NBEA: variants seen among roughly 807,000 people sequenced by gnomAD.
NBEA encodes the protein neurobeachin, also known as lysosomal-trafficking regulator 2.
A neutral mutation model predicts 343.4 loss-of-function variants in NBEA; 44 were observed. The observed-to-expected ratio is 0.13, with a 90% CI of 0.10 to 0.16. The LOEUF is 0.16. Ranked by LOEUF, NBEA falls within the 10% of genes least tolerant of loss-of-function variation. NBEA has a pLI of 1.00. For missense variants in NBEA, 2,555 were observed against 3,631.3 expected, an observed-to-expected ratio of 0.70 and a Z score of 7.62; for synonymous variants, 1,175 against 1,238.7, an observed-to-expected ratio of 0.95 and a Z score of 1.08.
chr13:35,255,238 A>C (rs868840053), intron 34 of NBEA, among the ~76,000 whole-genome samples: 1 of 152,206 alleles, frequency 6.6e-6, no homozygotes, highest in African/African-American at 2.4e-5. Context: ...GCGAAGCATC[A>C]CTTTCATTCT....
At chr13:35,489,077 C>A (rs2076407856) in intron 41 of NBEA, among the ~76,000 whole-genome samples, 1 of 150,818 alleles carries the variant, frequency 6.6e-6, no homozygotes, top group African/African-American at 2.4e-5. Context: ...TTTTTATTTG[C>A]CAAGTTTTTT....
intron 1 of NBEA, among the ~76,000 whole-genome samples, chr13:35,033,940 C>A (rs2062339600): frequency 6.6e-6 from 1 of 151,614 alleles, no homozygotes; most frequent in Non-Finnish European, 1.5e-5. Flanking sequence ...AAGATTCTAT[C>A]ATCCGCAAAC....
chr13:35,367,254 A>C (rs1056094296), intron 38 of NBEA, among the ~76,000 whole-genome samples: 4 of 151,360 alleles, frequency 2.6e-5, no homozygotes, highest in Non-Finnish European at 5.9e-5. Flanking sequence ...GAAGCCTGTC[A>C]GTAAAGAAAA....
intron 38 of NBEA, among the ~76,000 whole-genome samples, chr13:35,428,634 T>A (rs2044874851): frequency 6.6e-6 from 1 of 152,190 alleles, no homozygotes; most frequent in South Asian, 2.1e-4. Context: ...TTTTCATTCA[T>A]TTCAAGCATT....
At chr13:35,370,837 T>A (rs1035897430) in intron 38 of NBEA, among the ~76,000 whole-genome samples, 2 of 152,078 alleles carry the variant, frequency 1.3e-5, no homozygotes, top group Admixed American at 6.6e-5. Flanking sequence ...AGCTTTTGCT[T>A]GTCTGGGAAA....
At chr13:35,433,068 G>A (rs1264420276) in intron 39 of NBEA, among the ~76,000 whole-genome samples, 3 of 151,910 alleles carry the variant, frequency 2.0e-5, no homozygotes, top group Admixed American at 6.6e-5. Context: ...CCTACTTACA[G>A]TATCATTAAT....
At chr13:35,375,574 C>T (rs1193550623) in intron 38 of NBEA, among the ~76,000 whole-genome samples, 2 of 151,954 alleles carry the variant, frequency 1.3e-5, no homozygotes, top group Admixed American at 6.6e-5. Context: ...TCTTTACTTC[C>T]ACTACATAAA....
intron 30 of NBEA, among the ~76,000 whole-genome samples, chr13:35,188,205 ATGAT>A (rs1308685683): frequency 6.6e-6 from 1 of 151,656 alleles, no homozygotes; most frequent in Non-Finnish European, 1.5e-5. Flanking sequence ...GCATTAGGGA[ATGAT>A]TAAGTCAAGC....
intron 41 of NBEA, among the ~76,000 whole-genome samples, chr13:35,510,976 A>G (rs925296561): frequency 7.9e-5 from 12 of 152,204 alleles, no homozygotes; most frequent in Admixed American, 3.3e-4. Context: ...ATGACTTCTT[A>G]ATGGATTTTC....
Position 35,349,121 on chromosome 13 carries a change from G to T in NBEA, c.5917G>T (p.Ala1973Ser). 6.3e-7 allele frequency: 1 copy of T among 1,576,346 alleles called. No homozygotes were observed. The highest frequency in any genetic ancestry group is 8.6e-7 in the Non-Finnish European group (1 of 1,158,174). Reference protein sequence around the residue: ...LINEGRLLCHAMKDHIVRVAN... With the variant: ...LINEGRLLCHSMKDHIVRVAN... The stretch of plus-strand genomic sequence containing the variant: ...TTTTCTTTTTAGATTACTGTGCCAT[G>T]CTATGAAGGACCATATAGTCCGTGT... The change falls in exon 37 of 59, where the codon GCT (alanine) becomes TCT (serine). Residue 1973 changes from alanine to serine, a missense_variant. By Grantham distance (99) the Ala-to-Ser change is moderately conservative. Around this residue, in one of 21 missense-constraint regions of NBEA, gnomAD observed 84 missense variants for 196.4 expected, o/e 0.43. Coordinates refer to ENST00000379939, the MANE Select transcript of NBEA (RefSeq NM_001385012.1).
chr13:35,450,360 A>C (rs566058415), intron 39 of NBEA, among the ~76,000 whole-genome samples: 3 of 152,158 alleles, frequency 2.0e-5, no homozygotes, highest in African/African-American at 7.2e-5. Flanking sequence ...TGTGGTATAC[A>C]TCTGTGGTCC....
chr13:35,196,516 A>C (rs2072612536), intron 31 of NBEA, among the ~76,000 whole-genome samples: 1 of 152,114 alleles, frequency 6.6e-6, no homozygotes, highest in South Asian at 2.1e-4. Context: ...TGGATAGCAC[A>C]TTGAATTGGA....
At chr13:35,088,663 T>A (rs1248078513) in intron 10 of NBEA, among the ~76,000 whole-genome samples, 2 of 151,866 alleles carry the variant, frequency 1.3e-5, no homozygotes, top group East Asian at 3.9e-4. Flanking sequence ...CAAACTTTTT[T>A]TAAAAAAAAT....
intron 44 of NBEA, 66 bp downstream of exon 44, chr13:35,555,168 T>C (rs866311633): frequency 3.6e-6 from 3 of 842,358 alleles, no homozygotes; most frequent in Middle Eastern, 2.7e-4. Flanking sequence ...TAATGTAGCC[T>C]GATATAATAC....
intron 1 of NBEA, among the ~76,000 whole-genome samples, chr13:35,016,615 CACACACAT>C (rs1447754587): frequency 6.6e-6 from 1 of 151,724 alleles, no homozygotes; most frequent in East Asian, 1.9e-4. Context: ...CACACACACA[CACACACAT>C]TTATTTATTT....
intron 49 of NBEA, among the ~76,000 whole-genome samples, chr13:35,632,705 C>G (rs543198734): frequency 6.6e-6 from 1 of 151,934 alleles, no homozygotes; most frequent in Non-Finnish European, 1.5e-5. Context: ...GCAATTCTCC[C>G]ACCTCAGCCT....
At chr13:35,009,991 A>G (rs1183468508) in intron 1 of NBEA, among the ~76,000 whole-genome samples, 1 of 152,192 alleles carries the variant, frequency 6.6e-6, no homozygotes, top group African/African-American at 2.4e-5. Context: ...AAAGCTCGCT[A>G]GAGGATCTAA....
At chr13:35,294,900 A>C (rs2152821033) in intron 35 of NBEA, among the ~76,000 whole-genome samples, 1 of 152,022 alleles carries the variant, frequency 6.6e-6, no homozygotes, top group East Asian at 1.9e-4. Context: ...CTGAAGAAAC[A>C]GCCTGAGCCC....
intron 17 of NBEA, 51 bp from the exon 18 acceptor site, chr13:35,142,218 C>A: frequency 8.8e-7 from 1 of 1,137,084 alleles, no homozygotes; most frequent in Non-Finnish European, 1.3e-6. Flanking sequence ...GTCATGTGAT[C>A]GGAGAATCCA....
Sources: allele counts gnomAD v4.1 joint callset (sites outside exome capture counted in the v4.1 genomes callset), GRCh38; gene constraint gnomAD v4.1.1; regional missense constraint gnomAD v4.1.1; transcripts MANE v1.5; gene names NCBI Gene and HGNC (gene_info 2026-07-23, HGNC 2026-07-21).